Variants in NUP133 observed in about 807,000 individuals in gnomAD.
The protein encoded by NUP133 is nucleoporin 133, also known as nuclear pore complex protein Nup133.
Under a neutral mutation model 146.2 loss-of-function variants are expected in NUP133, and 66 were observed. That is an observed-to-expected ratio of 0.45 (90% CI 0.37 to 0.55). NUP133 has a LOEUF of 0.55. Among genes scored for constraint, NUP133 ranks in the 20% least tolerant of loss-of-function variants. NUP133 has a pLI of 0.00. For synonymous variants in NUP133, 521 were observed against 498.8 expected, an observed-to-expected ratio of 1.04 and a Z score of -0.59; for missense variants, 1,277 against 1,374.8, an observed-to-expected ratio of 0.93 and a Z score of 1.12.
rs1660173560 is a variant in NUP133 at position 229,441,132 on chromosome 1, A to G, written c.*772T>C. On this transcript the variant is annotated 3_prime_UTR_variant, in exon 26 of 26. Transcript: ENST00000261396. ...AGGAAAACCTATAATGGTTTCTAGTATCATTCATGCTTTTGACTAGCTAGG... is the reference window on the plus strand; with the variant it reads ...AGGAAAACCTATAATGGTTTCTAGTGTCATTCATGCTTTTGACTAGCTAGG... 1 of 304,756 alleles carries G rather than the reference A, an allele frequency of 3.3e-6. No homozygotes were observed. The highest frequency in any genetic ancestry group is 6.5e-6 in the Non-Finnish European group (1 of 154,350). 18.9% of individuals were successfully genotyped at this position (304,756 alleles called of 1,614,324 possible). A position where few individuals can be genotyped will look rare whatever the true frequency, so the allele number is the denominator to read the frequency against.
intron 8 of NUP133, among the ~76,000 whole-genome samples, chr1:229,493,651 C>T (rs1336443788): frequency 6.6e-6 from 1 of 152,130 alleles, no homozygotes; most frequent in Non-Finnish European, 1.5e-5. Context: ...TAATAGAGTA[C>T]TAACTGGATA....
intron 11 of NUP133, 56 bp downstream of exon 11, chr1:229,486,315 C>A: frequency 6.8e-7 from 1 of 1,465,602 alleles, no homozygotes. Flanking sequence ...GCGTGAGACA[C>A]TATCTCTAAA....
chr1:229,441,992 G>A lies in NUP133; in HGVS notation c.3383C>T (p.Ala1128Val), dbSNP rs760355146. 111 of 1,589,800 alleles carry A rather than the reference G, an allele frequency of 7.0e-5. 2 individuals are homozygous for A. The South Asian group carries it at 1.0e-3, about 14-fold the overall frequency. Residue 1128 changes from alanine (A) to valine (V), a missense_variant, in exon 26 of 26, where the codon GCG (alanine) becomes GTG (valine). By Grantham distance (64) the Ala-to-Val change is moderately conservative. Coordinates refer to ENST00000261396, the MANE Select transcript of NUP133 (RefSeq NM_018230.3). ...GGACTTTAAGCTTCCAAGCTGATCC[G>A]CTTGTAGCAGGTCTTTCACCTCCGG... ...YLPEVKDLLQADQLGSLKSNP... is the reference protein window; with the variant it reads ...YLPEVKDLLQVDQLGSLKSNP...
At chr1:229,480,409 C>A (rs1661180476) in intron 12 of NUP133, among the ~76,000 whole-genome samples, 1 of 151,990 alleles carries the variant, frequency 6.6e-6, no homozygotes, top group Admixed American at 6.6e-5. Flanking sequence ...GTGACTATGG[C>A]AAGATTTAAT....
intron 15 of NUP133, 105 bp downstream of exon 15, chr1:229,470,475 T>G: frequency 5.5e-6 from 5 of 910,254 alleles, no homozygotes; most frequent in Non-Finnish European, 8.5e-6. Flanking sequence ...AAAATTTCAG[T>G]GAGATCTTTT....
intron 21 of NUP133, among the ~76,000 whole-genome samples, chr1:229,453,215 T>C (rs932556515): frequency 1.4e-5 from 2 of 146,694 alleles, no homozygotes; most frequent in Non-Finnish European, 2.9e-5. Flanking sequence ...AACTTTCGAC[T>C]CCCCAAAAGC....
rs1660174153 is a variant in NUP133, at chr1:229,441,152, G to C, written c.*752C>G. On this transcript the variant is annotated 3_prime_UTR_variant, in exon 26 of 26. Coordinates refer to ENST00000261396, the MANE Select transcript of NUP133 (RefSeq NM_018230.3). ...CTAGTATCATTCATGCTTTTGACTA[G>C]CTAGGCAGACTGTGGTAAAGATTCA... 1.2e-5 allele frequency: 4 copies of C among 320,330 alleles called. No homozygotes were observed. Among genetic ancestry groups the C allele is most frequent in the Admixed American group, 1.2e-4 (3 of 25,252 alleles). The allele number at this position is 320,330 out of a possible 1,614,324, so 19.8% of individuals were successfully genotyped here.
intron 12 of NUP133, among the ~76,000 whole-genome samples, chr1:229,478,937 A>G (rs1661143090): frequency 6.6e-6 from 1 of 152,166 alleles, no homozygotes; most frequent in South Asian, 2.1e-4. Context: ...CAGAAAGGAA[A>G]AGACAGGAAA....
chr1:229,451,745 AGTTTT>A (rs935379589), intron 22 of NUP133, among the ~76,000 whole-genome samples: 1 of 152,220 alleles, frequency 6.6e-6, no homozygotes, highest in African/African-American at 2.4e-5. Flanking sequence ...AAAAGATAAT[AGTTTT>A]ATTTTGTTGT....
intron 8 of NUP133, among the ~76,000 whole-genome samples, 170 bp downstream of exon 8, chr1:229,495,325 T>A (rs1156633073): frequency 2.0e-5 from 3 of 152,172 alleles, no homozygotes; most frequent in Non-Finnish European, 2.9e-5. Flanking sequence ...CAGGAGGTCA[T>A]GGCTGCAGTG....
chr1:229,462,418 C>T (rs1483740551), intron 19 of NUP133, among the ~76,000 whole-genome samples: 1 of 152,090 alleles, frequency 6.6e-6, no homozygotes, highest in Non-Finnish European at 1.5e-5. Flanking sequence ...TGATTTTTAT[C>T]TTTTGTGTTT....
At position 229,487,585 on chromosome 1, in the gene NUP133, G is replaced by A. The variant is rs777394053; in HGVS notation, c.1223C>T (p.Thr408Met). ...AGTCTGGTTTGAAAAGTTTGGGACC[G>A]TCAACTGACACAAAATCAGGTCTTC... ...QSEDLILCQL[T>M]VPNFSNQTAY... Residue 408 changes from threonine to methionine, a missense_variant, in exon 10 of 26, where the codon ACG (threonine) becomes ATG (methionine). Around this residue, in one of 3 missense-constraint regions of NUP133, gnomAD observed 952 missense variants for 1,047.0 expected, o/e 0.91. Coordinates refer to ENST00000261396, the MANE Select transcript of NUP133 (RefSeq NM_018230.3). The A allele has an allele frequency of 2.0e-5, 32 of 1,610,946 alleles. No homozygotes were observed. The highest frequency in any genetic ancestry group is 2.4e-5 in the Non-Finnish European group (28 of 1,179,030).
At chr1:229,499,598 A>G in intron 5 of NUP133, 86 bp downstream of exon 5, 1 of 1,396,248 alleles carries the variant, frequency 7.2e-7, no homozygotes, top group South Asian at 1.4e-5. Flanking sequence ...AGGAGATCCC[A>G]CCTCTATTTA....
At chr1:229,465,960 C>CTT (rs1249940955) in intron 16 of NUP133, among the ~76,000 whole-genome samples, 1 of 150,398 alleles carries the variant, frequency 6.6e-6, no homozygotes, top group Non-Finnish European at 1.5e-5. Flanking sequence ...TGCATGATTA[C>CTT]TTTTTGGTTC....
intron 7 of NUP133, among the ~76,000 whole-genome samples, 163 bp from the exon 8 acceptor site, chr1:229,495,728 A>G (rs1190703826): frequency 6.6e-6 from 1 of 152,204 alleles, no homozygotes; most frequent in South Asian, 2.1e-4. Context: ...ATGCATTCCA[A>G]TATTTCTGGA....
chr1:229,462,619 G>A (rs556229531), intron 19 of NUP133, among the ~76,000 whole-genome samples: 8 of 152,018 alleles, frequency 5.3e-5, no homozygotes, highest in African/African-American at 1.9e-4. Flanking sequence ...TGGTGTAGTG[G>A]CACAATCTTG....
At chr1:229,482,254 G>C (rs1361020885) in intron 12 of NUP133, among the ~76,000 whole-genome samples, 1 of 152,158 alleles carries the variant, frequency 6.6e-6, no homozygotes, top group Non-Finnish European at 1.5e-5. Context: ...TGTTGTCTCT[G>C]TGAGTGAGCC....
chr1:229,465,478 G>T lies in NUP133; in HGVS notation c.2241C>A (p.Asn747Lys), dbSNP rs1660790941. 1 of 1,613,742 alleles carries T rather than the reference G, an allele frequency of 6.2e-7. No homozygotes were observed. The highest frequency in any genetic ancestry group is 8.5e-7 in the Non-Finnish European group (1 of 1,179,894). ...QAASHYRQNRNSLYRREESLE... is the reference protein window; with the variant it reads ...QAASHYRQNRKSLYRREESLE... The stretch of plus-strand genomic sequence containing the variant: ...GTGATTCTTCTCTTCTATACAAAGA[G>T]TTTCTATTTTGGCGATAATGACTAG... The change falls in exon 17 of 26, where the codon AAC becomes AAA. Residue 747 changes from asparagine (N) to lysine (K), a missense_variant. By Grantham distance (94) the Asn-to-Lys change is moderately conservative (BLOSUM62 0). Around this residue, in one of 3 missense-constraint regions of NUP133, gnomAD observed 952 missense variants for 1,047.0 expected, o/e 0.91. Coordinates refer to ENST00000261396, the MANE Select transcript of NUP133 (RefSeq NM_018230.3).
intron 3 of NUP133, among the ~76,000 whole-genome samples, chr1:229,501,291 A>G (rs549235834): frequency 6.6e-6 from 1 of 152,360 alleles, no homozygotes; most frequent in Admixed American, 6.5e-5. Flanking sequence ...CTCTCAGCCA[A>G]ATATCAGGAT....
Sources: allele counts gnomAD v4.1 joint callset (sites outside exome capture counted in the v4.1 genomes callset), GRCh38; gene constraint gnomAD v4.1.1; regional missense constraint gnomAD v4.1.1; transcripts MANE v1.5; gene names NCBI Gene and HGNC (gene_info 2026-07-23, HGNC 2026-07-21).